The following IMMP2L variants were observed in gnomAD, a reference collection of about 807,000 sequenced individuals.
IMMP2L encodes mitochondrial inner membrane protease subunit 2.
Under a neutral mutation model 19.3 loss-of-function variants are expected in IMMP2L, and 18 were observed. That is an observed-to-expected ratio of 0.93 (90% CI 0.64 to 1.38). IMMP2L has a LOEUF of 1.38. IMMP2L is among the 40% of genes most tolerant of loss of function. IMMP2L has a pLI of 0.00. For synonymous variants in IMMP2L, 76 were observed against 73.0 expected (o/e 1.04, Z -0.21); for missense variants, 233 against 218.2 (o/e 1.07, Z -0.43).
At chr7:111,531,003 C>A (rs1585541598) in intron 1 of IMMP2L, among the ~76,000 whole-genome samples, 1 of 150,968 alleles carries the variant, frequency 6.6e-6, no homozygotes, top group Non-Finnish European at 1.5e-5. Context: ...GTCACCCAGG[C>A]TGGAGTGCAG....
At chr7:110,879,307 GA>G (rs1435113237) in intron 5 of IMMP2L, among the ~76,000 whole-genome samples, 1 of 151,574 alleles carries the variant, frequency 6.6e-6, no homozygotes. Context: ...AGAATCACTT[GA>G]ACCCAGGAGG....
Position 110,663,834 on chromosome 7 carries a change from T to C in IMMP2L, c.409-113A>G, listed in dbSNP as rs866847358. Reference sequence around the variant, plus strand: ...GGTTTAACATCCCAGGGAGAAGTGATGATGAATAAAAAAAATAGTAAACAC... The same window carrying C: ...GGTTTAACATCCCAGGGAGAAGTGACGATGAATAAAAAAAATAGTAAACAC... On this transcript the variant is annotated intron_variant, in intron 5 of 5. Transcript: ENST00000405709. The C allele has an allele frequency of 9.1e-6, 6 of 657,386 alleles. No individual in the cohort carries two copies. The Middle Eastern group carries it at 9.0e-4, about 99-fold the overall frequency. The allele number at this position is 657,386 out of a possible 1,614,324, so 40.7% of individuals were successfully genotyped here.
intron 3 of IMMP2L, among the ~76,000 whole-genome samples, chr7:111,446,325 G>C (rs1467859008): frequency 6.9e-6 from 1 of 144,800 alleles, no homozygotes; most frequent in Non-Finnish European, 1.5e-5. Flanking sequence ...GCTTTGAAGA[G>C]AGCAGTGGTT....
chr7:110,817,436 C>A (rs77990495), intron 5 of IMMP2L, among the ~76,000 whole-genome samples: 31,029 of 151,986 alleles, frequency 0.2, 3,826 homozygotes, highest in Non-Finnish European at 0.28. Flanking sequence ...AGGAGAACTA[C>A]AAACCACTGC....
intron 1 of IMMP2L, among the ~76,000 whole-genome samples, chr7:111,556,018 G>GTA (rs1554550149): frequency 0.034 from 3,100 of 91,274 alleles, 212 homozygotes; most frequent in African/African-American, 0.099. Context: ...CTGTGTGCAT[G>GTA]TATATATATA....
chr7:111,309,469 T>C (rs1823263675), intron 3 of IMMP2L, among the ~76,000 whole-genome samples: 1 of 152,154 alleles, frequency 6.6e-6, no homozygotes, highest in African/African-American at 2.4e-5. Flanking sequence ...AACCATTTAG[T>C]ATATCAGAAG....
At chr7:110,883,285 T>A (rs1809881595) in intron 5 of IMMP2L, among the ~76,000 whole-genome samples, 1 of 152,170 alleles carries the variant, frequency 6.6e-6, no homozygotes. Flanking sequence ...TGTCTGTTTA[T>A]CATCACTTTC....
intron 2 of IMMP2L, among the ~76,000 whole-genome samples, chr7:111,509,124 T>C (rs1276990992): frequency 6.6e-6 from 1 of 152,108 alleles, no homozygotes; most frequent in Non-Finnish European, 1.5e-5. Flanking sequence ...CCCCAACAAT[T>C]TGCCCTCACC....
chr7:111,130,109 T>C, intron 3 of IMMP2L, among the ~76,000 whole-genome samples: 1 of 152,128 alleles, frequency 6.6e-6, no homozygotes, highest in East Asian at 1.9e-4. Flanking sequence ...ATTTACCTAT[T>C]CTAGTTCACT....
chr7:111,056,961 C>A lies in IMMP2L; in HGVS notation c.240-93396G>T, dbSNP rs532708467. On this transcript the variant is annotated intron_variant, in intron 3 of 5. Transcript: ENST00000405709. ...GTGTTGCTCAAGGGTCAACTGTATACAAGTACCCCAAATTTACTTAAGAGT... is the reference window on the plus strand; with the variant it reads ...GTGTTGCTCAAGGGTCAACTGTATAAAAGTACCCCAAATTTACTTAAGAGT... Among the ~76,000 whole-genome samples, 99 of 152,190 alleles carry A rather than the reference C, an allele frequency of 6.5e-4. 1 individual carries two copies. Among genetic ancestry groups the A allele is most frequent in the African/African-American group, 2.3e-3 (97 of 41,530 alleles).
At chr7:111,235,411 C>T (rs1402104101) in intron 3 of IMMP2L, among the ~76,000 whole-genome samples, 5 of 151,196 alleles carry the variant, frequency 3.3e-5, no homozygotes, top group Non-Finnish European at 7.4e-5. Flanking sequence ...GTGGAGGTCG[C>T]GGTGAGCTGA....
At chr7:111,052,615 T>A (rs1340757112) in intron 3 of IMMP2L, among the ~76,000 whole-genome samples, 1 of 152,170 alleles carries the variant, frequency 6.6e-6, no homozygotes. Flanking sequence ...CTAAAACGTA[T>A]AAAGCCAAGC....
rs534190902 is a variant in IMMP2L, at chr7:110,681,029, T to C, written c.409-17308A>G. 1.1e-4 allele frequency among the ~76,000 whole-genome samples: 16 copies of C among 151,860 alleles called. 2 individuals carry two copies. The highest frequency in any genetic ancestry group is 9.2e-4 in the Admixed American group (14 of 15,240). On this transcript the variant is annotated intron_variant, in intron 5 of 5. Transcript: ENST00000405709. ...TGGCCAATATTCTTCTAATTGCATC[T>C]TTTCTTCTAAAATTAGTAAGGATTA...
intron 3 of IMMP2L, among the ~76,000 whole-genome samples, chr7:111,318,471 T>G (rs1824342625): frequency 6.6e-6 from 1 of 152,048 alleles, no homozygotes; most frequent in Admixed American, 6.6e-5. Flanking sequence ...AGGAAAAGAT[T>G]TTACCATAGA....
At chr7:111,224,037 C>G (rs1398893853) in intron 3 of IMMP2L, among the ~76,000 whole-genome samples, 5 of 152,030 alleles carry the variant, frequency 3.3e-5, no homozygotes, top group Admixed American at 3.3e-4. Context: ...ATATAGAAAA[C>G]AGAGCATCTC....
chr7:110,819,925 A>C (rs1252934928), intron 5 of IMMP2L, among the ~76,000 whole-genome samples: 1 of 152,082 alleles, frequency 6.6e-6, no homozygotes, highest in Non-Finnish European at 1.5e-5. Flanking sequence ...TCTTTTAAAC[A>C]ATATTTACAT....
intron 5 of IMMP2L, among the ~76,000 whole-genome samples, chr7:110,712,579 C>T (rs548453053): frequency 3.5e-5 from 1 of 28,786 alleles, no homozygotes; most frequent in South Asian, 9.2e-4. Context: ...CTAAGCAAGC[C>T]TGGGCAACGG....
intron 3 of IMMP2L, among the ~76,000 whole-genome samples, chr7:111,084,114 G>A (rs952072331): frequency 6.6e-6 from 1 of 152,026 alleles, no homozygotes; most frequent in African/African-American, 2.4e-5. Flanking sequence ...GAGACTGGAA[G>A]CAGGGAAGTT....
At chr7:111,556,018 G>GTGTGTGTATATATA (rs777862357) in intron 1 of IMMP2L, among the ~76,000 whole-genome samples, 17 of 91,328 alleles carry the variant, frequency 1.9e-4, no homozygotes, top group African/African-American at 3.3e-4. Context: ...CTGTGTGCAT[G>GTGTGTGTATATATA]TATATATATA....
Sources: gnomAD v4.1 joint callset for allele counts (sites outside exome capture counted in the v4.1 genomes callset) on GRCh38, gnomAD v4.1.1 for gene constraint, MANE v1.5 for transcripts, NCBI Gene and HGNC (gene_info 2026-07-23, HGNC 2026-07-21) for gene names.